WWOX: variants seen among roughly 807,000 people sequenced by gnomAD.
WWOX encodes the protein WW domain containing oxidoreductase, also known as WW domain-containing oxidoreductase.
In WWOX, 69 loss-of-function variants were observed where a neutral mutation model predicts 46.2. The ratio of observed to expected loss-of-function variants is 1.49; its 90% CI spans 1.23 to 1.82. The LOEUF is 1.82. Ranked by LOEUF, WWOX falls within the 40% of genes most tolerant of loss-of-function variation. The probability of loss-of-function intolerance (pLI) is 0.00; values close to 1 mark genes in which losing one functional copy is unlikely to be tolerated. For missense variants in WWOX, 919 were observed against 542.6 expected, an observed-to-expected ratio of 1.69 and a Z score of -6.89; for synonymous variants, 359 against 202.6, an observed-to-expected ratio of 1.77 and a Z score of -6.56.
At chr16:78,359,162 C>A (rs945498424) in intron 5 of WWOX, among the ~76,000 whole-genome samples, 2 of 152,146 alleles carry the variant, frequency 1.3e-5, no homozygotes, top group Admixed American at 6.6e-5. Flanking sequence ...ATACCTTCAC[C>A]ATATCATGTA....
chr16:78,457,643 G>A (rs1252295640), intron 8 of WWOX, among the ~76,000 whole-genome samples: 1 of 152,118 alleles, frequency 6.6e-6, no homozygotes, highest in Non-Finnish European at 1.5e-5. Context: ...GCCATGTACG[G>A]TGGCTCATGC....
intron 8 of WWOX, among the ~76,000 whole-genome samples, chr16:78,735,437 C>G (rs538817507): frequency 2.5e-5 from 3 of 119,410 alleles, no homozygotes; most frequent in Middle Eastern, 4.1e-3. Flanking sequence ...TAATATGGTT[C>G]TGATTCTCTG....
intron 8 of WWOX, among the ~76,000 whole-genome samples, chr16:78,654,637 TTCTCTCTCTC>T (rs142991695): frequency 4.7e-5 from 7 of 149,114 alleles, no homozygotes; most frequent in African/African-American, 7.3e-5. Flanking sequence ...ATCTATACCT[TTCTCTCTCTC>T]TCTCTCTCTC....
At chr16:79,112,665 G>A (rs1310739089) in intron 8 of WWOX, among the ~76,000 whole-genome samples, 4 of 152,140 alleles carry the variant, frequency 2.6e-5, no homozygotes, top group African/African-American at 9.7e-5. Context: ...ATGAATGTTT[G>A]CACATCATTT....
intron 8 of WWOX, among the ~76,000 whole-genome samples, chr16:79,208,177 C>T (rs1011613085): frequency 1.3e-5 from 2 of 152,318 alleles, no homozygotes; most frequent in African/African-American, 4.8e-5. Flanking sequence ...CACAGTTCTC[C>T]TCTGGCAGCT....
chr16:78,652,502 T>G (rs894150494), intron 8 of WWOX, among the ~76,000 whole-genome samples: 2 of 151,494 alleles, frequency 1.3e-5, no homozygotes, highest in African/African-American at 4.9e-5. Flanking sequence ...TATAAAGGAC[T>G]ATAAAAAAAG....
In WWOX at chr16:78,390,645, G is replaced by C. The variant is rs74028161; in HGVS notation, c.605+3697G>C. ...AAGTGAAATCTCTCTTGGATAGGCAGATGACAGTTTAGTACTTGCAGGTCT... is the reference window on the plus strand; with the variant it reads ...AAGTGAAATCTCTCTTGGATAGGCACATGACAGTTTAGTACTTGCAGGTCT... On this transcript the variant is annotated intron_variant, in intron 6 of 8. Coordinates refer to ENST00000566780, the MANE Select transcript of WWOX (RefSeq NM_016373.4). Among the ~76,000 whole-genome samples, 891 of 152,320 alleles carry C rather than the reference G, an allele frequency of 5.8e-3. 8 individuals carry two copies. The highest frequency in any genetic ancestry group is 0.019 in the African/African-American group (787 of 41,574).
At chr16:78,288,796 G>A (rs566724589) in intron 5 of WWOX, among the ~76,000 whole-genome samples, 13 of 152,230 alleles carry the variant, frequency 8.5e-5, no homozygotes, top group African/African-American at 3.1e-4. Context: ...TCATTGCTCA[G>A]ATAGAGTCAT....
chr16:78,686,605 T>C (rs1023918856), intron 8 of WWOX, among the ~76,000 whole-genome samples: 1 of 152,158 alleles, frequency 6.6e-6, no homozygotes, highest in Non-Finnish European at 1.5e-5. Context: ...GGCCCAGCTA[T>C]TTGTGTTTTT....
At chr16:79,034,061 C>T (rs1291514089) in intron 8 of WWOX, among the ~76,000 whole-genome samples, 1 of 152,146 alleles carries the variant, frequency 6.6e-6, no homozygotes, top group African/African-American at 2.4e-5. Flanking sequence ...TGGCTGTGCC[C>T]ACGTGGTCTG....
chr16:78,151,600 T>G (rs1238719651), intron 4 of WWOX, among the ~76,000 whole-genome samples: 3 of 152,212 alleles, frequency 2.0e-5, no homozygotes, highest in Admixed American at 1.3e-4. Flanking sequence ...TTGTTTGGAA[T>G]AGGAATAGGC....
chr16:79,021,054 G>C (rs369859306), intron 8 of WWOX, among the ~76,000 whole-genome samples: 1 of 152,198 alleles, frequency 6.6e-6, no homozygotes. Flanking sequence ...TTCAGGGAGA[G>C]CAAGAGATGT....
intron 8 of WWOX, among the ~76,000 whole-genome samples, chr16:79,100,647 G>A (rs1597375831): frequency 1.3e-5 from 2 of 152,084 alleles, no homozygotes; most frequent in African/African-American, 4.8e-5. Context: ...CAATTTTTCT[G>A]CATGTTCTGA....
At chr16:78,825,584 G>T in intron 8 of WWOX, 1 of 533,804 alleles carries the variant, frequency 1.9e-6, no homozygotes, top group South Asian at 1.4e-5. Flanking sequence ...TGCCCAGGTC[G>T]AGTCTGCAGT....
chr16:78,825,338 G>A (rs1567586236), intron 8 of WWOX: 1 of 313,122 alleles, frequency 3.2e-6, no homozygotes, highest in Non-Finnish European at 6.4e-6. Context: ...CTTCAAAGCT[G>A]AACGGAATCA....
chr16:78,852,563 C>A (rs1219435849), intron 8 of WWOX, among the ~76,000 whole-genome samples: 1 of 152,192 alleles, frequency 6.6e-6, no homozygotes, highest in African/African-American at 2.4e-5. Context: ...AAATGACCAT[C>A]TTGACTTAGG....
chr16:78,188,461 C>G (rs2035778439), intron 5 of WWOX, among the ~76,000 whole-genome samples: 1 of 147,498 alleles, frequency 6.8e-6, no homozygotes, highest in Non-Finnish European at 1.5e-5. Flanking sequence ...GCACTCCAGC[C>G]TGGGTGACAG....
intron 8 of WWOX, among the ~76,000 whole-genome samples, chr16:78,447,313 T>A (rs367586410): frequency 3.0e-4 from 45 of 152,370 alleles, no homozygotes; most frequent in African/African-American, 1.1e-3. Context: ...TTTTTTCTTA[T>A]GCATTTGCTA....
intron 8 of WWOX, chr16:78,496,157 C>G (rs1398242338): frequency 6.6e-6 from 1 of 152,144 alleles, no homozygotes; most frequent in Non-Finnish European, 1.5e-5. Flanking sequence ...TGTTCAGATT[C>G]CCCTAAATCT....
Sources: allele counts gnomAD v4.1 joint callset (sites outside exome capture counted in the v4.1 genomes callset), GRCh38; gene constraint gnomAD v4.1.1; transcripts MANE v1.5; gene names NCBI Gene and HGNC (gene_info 2026-07-23, HGNC 2026-07-21).